ERC2: variants seen among roughly 807,000 people sequenced by gnomAD.
ERC2 encodes the protein ELKS/RAB6-interacting/CAST family member 2.
In ERC2, 42 loss-of-function variants were observed where a neutral mutation model predicts 114.8. The ratio of observed to expected loss-of-function variants is 0.37; its 90% CI spans 0.29 to 0.47. The LOEUF (loss-of-function observed/expected upper bound fraction) is 0.47, where lower values mean the gene tolerates loss of function less well. ERC2 is among the 20% of genes least tolerant of loss of function. ERC2 has a pLI of 0.99. For synonymous variants in ERC2, 454 were observed against 425.5 expected, an observed-to-expected ratio of 1.07 and a Z score of -0.82; for missense variants, 939 against 1,150.7, an observed-to-expected ratio of 0.82 and a Z score of 2.66.
intron 2 of ERC2, among the ~76,000 whole-genome samples, chr3:56,305,223 T>C (rs2056139706): frequency 6.6e-6 from 1 of 151,970 alleles, no homozygotes; most frequent in Non-Finnish European, 1.5e-5. Context: ...CAAAAGATAC[T>C]ATAAACAGAA....
At chr3:55,965,336 T>C (rs1044713198) in intron 12 of ERC2, among the ~76,000 whole-genome samples, 1 of 152,350 alleles carries the variant, frequency 6.6e-6, no homozygotes, top group Middle Eastern at 3.4e-3. Flanking sequence ...ATGCAGCCCA[T>C]GCAACTGTAA....
At chr3:55,851,391 G>A (rs950346296) in intron 14 of ERC2, among the ~76,000 whole-genome samples, 1 of 152,106 alleles carries the variant, frequency 6.6e-6, no homozygotes, top group African/African-American at 2.4e-5. Context: ...CAATTATTTT[G>A]TCATTGTCTT....
chr3:56,030,844 A>G (rs780277017), intron 7 of ERC2, among the ~76,000 whole-genome samples: 3 of 152,222 alleles, frequency 2.0e-5, no homozygotes, highest in African/African-American at 4.8e-5. Flanking sequence ...AGAGAGTAAG[A>G]ACAGTTTCAC....
intron 7 of ERC2, among the ~76,000 whole-genome samples, chr3:56,079,774 A>T (rs1056961059): frequency 6.6e-6 from 1 of 152,176 alleles, no homozygotes; most frequent in African/African-American, 2.4e-5. Flanking sequence ...TTTTTATCAG[A>T]GAGTGACATG....
chr3:56,415,892 G>C (rs2061132357), intron 2 of ERC2, among the ~76,000 whole-genome samples: 1 of 152,126 alleles, frequency 6.6e-6, no homozygotes, highest in Admixed American at 6.6e-5. Context: ...AACTACATCT[G>C]CCTCACCCTG....
At chr3:55,734,355 G>C (rs2065491040) in intron 15 of ERC2, among the ~76,000 whole-genome samples, 1 of 152,138 alleles carries the variant, frequency 6.6e-6, no homozygotes, top group South Asian at 2.1e-4. Flanking sequence ...CTAAAAACCT[G>C]GATGAGGGCA....
intron 3 of ERC2, 31 bp downstream of exon 3, chr3:56,295,988 G>A (rs1312007557): frequency 4.6e-6 from 7 of 1,522,842 alleles, no homozygotes; most frequent in Non-Finnish European, 6.2e-6. Context: ...TATAAATTAA[G>A]GCTTTGGGGA....
At chr3:56,263,653 A>T (rs1223532826) in intron 3 of ERC2, among the ~76,000 whole-genome samples, 1 of 152,216 alleles carries the variant, frequency 6.6e-6, no homozygotes, top group Non-Finnish European at 1.5e-5. Context: ...ACAAATATAG[A>T]CTGATGTAGT....
intron 3 of ERC2, among the ~76,000 whole-genome samples, chr3:56,174,368 T>G (rs571462748): frequency 1.3e-5 from 2 of 152,226 alleles, no homozygotes; most frequent in Non-Finnish European, 1.5e-5. Context: ...ACACTTGGAT[T>G]TTCTTAACTA....
intron 17 of ERC2, among the ~76,000 whole-genome samples, chr3:55,512,200 G>A (rs1197187980): frequency 6.6e-6 from 1 of 152,202 alleles, no homozygotes; most frequent in Non-Finnish European, 1.5e-5. Context: ...AGATCCCAGT[G>A]TCTGCACAGG....
At chr3:56,371,980 G>A (rs2059378484) in intron 2 of ERC2, among the ~76,000 whole-genome samples, 1 of 152,244 alleles carries the variant, frequency 6.6e-6, no homozygotes, top group South Asian at 2.1e-4. Flanking sequence ...GATCTCTCAT[G>A]CTGTGTTTTA....
intron 3 of ERC2, among the ~76,000 whole-genome samples, chr3:56,245,027 C>T (rs78609180): frequency 0.014 from 2,075 of 152,242 alleles, 52 homozygotes; most frequent in African/African-American, 0.047. Flanking sequence ...AAGCATATCA[C>T]ATAGGTTTGT....
intron 6 of ERC2, among the ~76,000 whole-genome samples, chr3:56,122,654 G>C (rs2079644308): frequency 6.6e-6 from 1 of 152,106 alleles, no homozygotes; most frequent in African/African-American, 2.4e-5. Flanking sequence ...GCTTATGAGG[G>C]ATCACAGGTA....
At position 55,805,326 on chromosome 3, in the gene ERC2, A is replaced by C. The variant is rs573031460; in HGVS notation, c.2565-70408T>G. Among the ~76,000 whole-genome samples, 4 of 151,920 alleles carry C rather than the reference A, an allele frequency of 2.6e-5. No individual in the cohort carries two copies. In the South Asian group the frequency reaches 8.3e-4, roughly 32 times the overall value. ...AGTGATTCAGATTTTGGTCTGTTTC[A>C]TTTACTGCTCTATCTCTAATAGTGC... On this transcript the variant is annotated intron_variant, in intron 14 of 17. Transcript: ENST00000288221.
At chr3:55,954,964 T>C (rs1329167242) in intron 12 of ERC2, among the ~76,000 whole-genome samples, 2 of 152,136 alleles carry the variant, frequency 1.3e-5, no homozygotes, top group Non-Finnish European at 2.9e-5. Context: ...ATTCATAATA[T>C]AAAATCAGGC....
chr3:56,286,805 A>G (rs908065726), intron 3 of ERC2, among the ~76,000 whole-genome samples: 77 of 151,482 alleles, frequency 5.1e-4, no homozygotes, highest in Non-Finnish European at 8.0e-4. Flanking sequence ...CATTTGGCCC[A>G]TAATCTATAG....
Position 55,947,841 on chromosome 3 carries a change from T to C in ERC2, c.2403+2584A>G, listed in dbSNP as rs1472324643. ...CTAACTGACACATCTCTACCAAAAA[T>C]AAACAATAAAAAACAGGCAGAAAGA... On this transcript the variant is annotated intron_variant, in intron 13 of 17. Transcript: ENST00000288221. Among the ~76,000 whole-genome samples, 5 of 152,288 alleles carry C rather than the reference T, an allele frequency of 3.3e-5. No individual in the cohort carries two copies. In the South Asian group the frequency reaches 1.0e-3, roughly 32 times the overall value.
chr3:55,616,457 G>A (rs754087720), intron 17 of ERC2, among the ~76,000 whole-genome samples: 10 of 152,052 alleles, frequency 6.6e-5, no homozygotes, highest in Non-Finnish European at 1.0e-4. Flanking sequence ...AACAAAAATA[G>A]CTACATCTTG....
intron 10 of ERC2, among the ~76,000 whole-genome samples, chr3:56,001,299 C>T (rs1396985337): frequency 9.2e-5 from 14 of 151,900 alleles, no homozygotes; most frequent in Admixed American, 8.5e-4. Context: ...TATAGGCTTC[C>T]ATATGGTTGC....
Sources: allele counts gnomAD v4.1 joint callset (sites outside exome capture counted in the v4.1 genomes callset), GRCh38; gene constraint gnomAD v4.1.1; transcripts MANE v1.5; gene names NCBI Gene and HGNC (gene_info 2026-07-23, HGNC 2026-07-21).